The following HTN1 variants were observed in gnomAD, a reference collection of about 807,000 sequenced individuals.
HTN1 encodes histatin 1.
A neutral mutation model predicts 11.2 loss-of-function variants in HTN1; 18 were observed. That is an observed-to-expected ratio of 1.61 (90% CI 1.12 to 2.39). The LOEUF is 2.39. Ranked by LOEUF, HTN1 falls within the 30% of genes most tolerant of loss-of-function variation. HTN1 has a pLI of 0.00. For missense variants in HTN1, 80 were observed against 67.2 expected (o/e 1.19, Z -0.67); for synonymous variants, 21 against 20.5 (o/e 1.02, Z -0.07).
intron 2 of HTN1, among the ~76,000 whole-genome samples, chr4:70,054,073 C>T (rs1486583890): frequency 6.6e-6 from 1 of 152,008 alleles, no homozygotes; most frequent in Non-Finnish European, 1.5e-5. Flanking sequence ...ACAGACTTTT[C>T]CTGCCTTACA....
chr4:70,052,357 T>C (rs187037202), intron 1 of HTN1, among the ~76,000 whole-genome samples: 142 of 152,308 alleles, frequency 9.3e-4, no homozygotes, highest in Non-Finnish European at 1.5e-3. Flanking sequence ...TGTACCTTAA[T>C]TAGCATTCTT....
rs1245330378 is a variant in HTN1 at position 70,058,844 on chromosome 4, T to G, written c.*298T>G. On this transcript the variant is annotated 3_prime_UTR_variant, in exon 6 of 6. Transcript: ENST00000246896. ...CAAAAGCAATAAATTTCTAGCACATTATTATGTGTATGCTCTTTATTTCTC... is the reference window on the plus strand; with the variant it reads ...CAAAAGCAATAAATTTCTAGCACATGATTATGTGTATGCTCTTTATTTCTC... The G allele has an allele frequency of 5.3e-5, 8 of 152,216 alleles. No homozygotes were observed. The highest frequency in any genetic ancestry group is 5.2e-4 in the Admixed American group (8 of 15,276). The allele number at this position is 152,216 out of a possible 1,614,324, so 9.4% of individuals were successfully genotyped here.
intron 2 of HTN1, among the ~76,000 whole-genome samples, chr4:70,053,851 T>G (rs1168827710): frequency 6.6e-6 from 1 of 152,074 alleles, no homozygotes; most frequent in Non-Finnish European, 1.5e-5. Context: ...GAAACTGAAT[T>G]GGTTATGATA....
chr4:70,053,890 A>G (rs1725961789), intron 2 of HTN1, among the ~76,000 whole-genome samples: 2 of 152,192 alleles, frequency 1.3e-5, no homozygotes, highest in Non-Finnish European at 2.9e-5. Context: ...TTTTATTATA[A>G]AAGGATAGAA....
chr4:70,055,838 T>C (rs2109730216), intron 5 of HTN1: 1 of 303,522 alleles, frequency 3.3e-6, no homozygotes. Flanking sequence ...GCTGTTTTGG[T>C]AACTGTAGCT....
chr4:70,051,561 T>A (rs1252460055), intron 1 of HTN1, among the ~76,000 whole-genome samples: 1 of 152,146 alleles, frequency 6.6e-6, no homozygotes, highest in African/African-American at 2.4e-5. Flanking sequence ...GAATTGACAA[T>A]CATTAACAAC....
In HTN1 at chr4:70,054,420, G is replaced by A. The variant is rs552286411; in HGVS notation, c.73-1G>A. On this transcript the variant is annotated splice_acceptor_variant, in intron 3 of 5. Coordinates refer to ENST00000246896, the MANE Select transcript of HTN1 (RefSeq NM_002159.4). LOFTEE classifies it high-confidence loss of function. ...TTTAATCTTTTCTTTTTATTTCATA[G>A]AGACATCATGGGTATAGAAGAAAAT... is the stretch of plus-strand genomic sequence containing the variant. 1.7e-5 allele frequency: 26 copies of A among 1,518,632 alleles called. No individual in the cohort carries two copies. In the African/African-American group the frequency reaches 3.0e-4, roughly 18 times the overall value. 94.1% of individuals were successfully genotyped at this position (1,518,632 alleles called of 1,614,324 possible).
intron 4 of HTN1, 81 bp downstream of exon 4, chr4:70,054,531 T>A: frequency 4.4e-6 from 4 of 904,134 alleles, no homozygotes; most frequent in Non-Finnish European, 7.0e-6. Context: ...TCAATAGTTG[T>A]CTCTCAAATA....
chr4:70,056,738 A>G (rs766665610), intron 5 of HTN1: 17 of 150,406 alleles, frequency 1.1e-4, no homozygotes, highest in Non-Finnish European at 2.1e-4. Flanking sequence ...ACATGAACAG[A>G]TAGTTCTCAG....
chr4:70,056,643 C>T (rs1477937719), intron 5 of HTN1: 2 of 152,004 alleles, frequency 1.3e-5, no homozygotes, highest in Non-Finnish European at 2.9e-5. Context: ...ACTCATCTGT[C>T]GAGCTCTAAT....
intron 1 of HTN1, among the ~76,000 whole-genome samples, chr4:70,051,207 T>A (rs935531286): frequency 6.6e-6 from 1 of 152,172 alleles, no homozygotes; most frequent in South Asian, 2.1e-4. Context: ...TATAAAGGTT[T>A]ATTTTTAAAA....
At chr4:70,057,628 T>A (rs1408442786) in intron 5 of HTN1, 1 of 152,192 alleles carries the variant, frequency 6.6e-6, no homozygotes, top group South Asian at 2.1e-4. Flanking sequence ...CTATTCCTAA[T>A]CTTCTCCATA....
At chr4:70,053,920 A>G (rs1363365467) in intron 2 of HTN1, among the ~76,000 whole-genome samples, 1 of 152,190 alleles carries the variant, frequency 6.6e-6, no homozygotes, top group Non-Finnish European at 1.5e-5. Context: ...TAAACAAATA[A>G]GAACAGAGTA....
At chr4:70,054,823 T>A (rs1725991920) in intron 4 of HTN1, among the ~76,000 whole-genome samples, 1 of 152,020 alleles carries the variant, frequency 6.6e-6, no homozygotes, top group Admixed American at 6.6e-5. Context: ...CCTTCTGAAT[T>A]TTTGAGGATG....
chr4:70,053,021 A>G (rs1306337630), intron 1 of HTN1, 43 bp from the exon 2 acceptor site: 1 of 1,161,212 alleles, frequency 8.6e-7, no homozygotes, highest in African/African-American at 1.5e-5. Flanking sequence ...GAATGAATGC[A>G]TGAAAGAATG....
chr4:70,057,874 C>T (rs183283606), intron 5 of HTN1: 16 of 152,224 alleles, frequency 1.1e-4, no homozygotes, highest in Admixed American at 9.2e-4. Flanking sequence ...AAAAAATTTA[C>T]ATTTTATGCC....
intron 2 of HTN1, 48 bp from the exon 3 acceptor site, chr4:70,054,274 T>C: frequency 8.7e-7 from 1 of 1,153,704 alleles, no homozygotes; most frequent in Non-Finnish European, 1.2e-6. Flanking sequence ...TACTCTTGAA[T>C]TATAAAATTA....
intron 4 of HTN1, among the ~76,000 whole-genome samples, chr4:70,054,881 G>T (rs184739989): frequency 6.6e-6 from 1 of 152,076 alleles, no homozygotes; most frequent in East Asian, 1.9e-4. Flanking sequence ...ACAGAAAATT[G>T]TATTTCTCTA....
intron 5 of HTN1, 85 bp from the exon 6 acceptor site, chr4:70,058,495 A>G (rs1213868753): frequency 6.6e-6 from 1 of 152,162 alleles, no homozygotes; most frequent in Non-Finnish European, 1.5e-5. Flanking sequence ...ATCTATAAAT[A>G]CATACTTTCT....
Sources: allele counts gnomAD v4.1 joint callset (sites outside exome capture counted in the v4.1 genomes callset), GRCh38; gene constraint gnomAD v4.1.1; transcripts MANE v1.5; gene names NCBI Gene and HGNC (gene_info 2026-07-23, HGNC 2026-07-21).